Variants in GNAI1 observed in about 807,000 individuals in gnomAD.
GNAI1 encodes the protein guanine nucleotide-binding protein G(i) subunit alpha-1.
Under a neutral mutation model 38.9 loss-of-function variants are expected in GNAI1, and 11 were observed. The observed-to-expected ratio is 0.28, with a 90% CI of 0.18 to 0.47. The LOEUF (loss-of-function observed/expected upper bound fraction) is 0.47. Ranked by LOEUF, GNAI1 falls within the 20% of genes least tolerant of loss-of-function variation. GNAI1 has a pLI of 0.99. For synonymous variants in GNAI1, 166 were observed against 145.1 expected, an observed-to-expected ratio of 1.14 and a Z score of -1.04; for missense variants, 317 against 436.9, an observed-to-expected ratio of 0.73 and a Z score of 2.45.
At chr7:80,167,105 A>T (rs186366537) in intron 1 of GNAI1, among the ~76,000 whole-genome samples, 1 of 152,330 alleles carries the variant, frequency 6.6e-6, no homozygotes, top group East Asian at 1.9e-4. Flanking sequence ...TGGTGGTTTC[A>T]TAGACTTCTT....
rs1162491225 is a variant in GNAI1 at position 80,134,881 on chromosome 7, A to G, written c.-280A>G. 3 of 263,110 alleles carry G rather than the reference A, an allele frequency of 1.1e-5. No homozygotes were observed. The East Asian group carries it at 2.0e-4, about 17-fold the overall frequency. The allele number at this position is 263,110 out of a possible 1,614,324, so 16.3% of individuals were successfully genotyped here. ...GCGGCGCGGCCACCGGCGGGAGTGC[A>G]GCGGCCACTGTACCCAGAGATTCAA... On this transcript the variant is annotated 5_prime_UTR_variant, in exon 1 of 8. Coordinates refer to ENST00000649796, the MANE Select transcript of GNAI1 (RefSeq NM_002069.6).
chr7:80,147,826 G>A (rs1174500092), intron 1 of GNAI1, among the ~76,000 whole-genome samples: 1 of 152,144 alleles, frequency 6.6e-6, no homozygotes, highest in East Asian at 1.9e-4. Context: ...TCATTTGCTG[G>A]TTGGGCTTAG....
At chr7:80,203,294 T>A (rs1054662506) in intron 4 of GNAI1, among the ~76,000 whole-genome samples, 3 of 152,146 alleles carry the variant, frequency 2.0e-5, no homozygotes, top group Non-Finnish European at 2.9e-5. Flanking sequence ...ATTAAGACTT[T>A]AAAAATCTTC....
At chr7:80,150,068 C>T (rs1042983796) in intron 1 of GNAI1, among the ~76,000 whole-genome samples, 4 of 152,126 alleles carry the variant, frequency 2.6e-5, no homozygotes, top group Non-Finnish European at 5.9e-5. Flanking sequence ...GTTGACTTGA[C>T]AGCTTTAATG....
At chr7:80,189,263 A>G in intron 3 of GNAI1, 32 bp downstream of exon 3, 1 of 1,588,692 alleles carries the variant, frequency 6.3e-7, no homozygotes, top group Non-Finnish European at 8.6e-7. Context: ...AGCTGACCTG[A>G]TGGGTAAAAA....
chr7:80,205,843 A>G (rs1055265462), intron 5 of GNAI1, among the ~76,000 whole-genome samples: 14 of 152,050 alleles, frequency 9.2e-5, no homozygotes, highest in African/African-American at 3.4e-4. Context: ...TGTCTTTTTT[A>G]TTTTCATTAA....
intron 3 of GNAI1, among the ~76,000 whole-genome samples, chr7:80,198,730 A>G (rs972823163): frequency 6.6e-6 from 1 of 152,176 alleles, no homozygotes; most frequent in Non-Finnish European, 1.5e-5. Context: ...CCCACTCCAC[A>G]TTGATTTCTC....
At chr7:80,154,138 G>T (rs1331757104) in intron 1 of GNAI1, among the ~76,000 whole-genome samples, 1 of 152,078 alleles carries the variant, frequency 6.6e-6, no homozygotes. Flanking sequence ...GCCCAGGCTG[G>T]CCTCAAACTC....
intron 1 of GNAI1, chr7:80,135,695 T>TGTGCG (rs368124432): frequency 2.2e-4 from 56 of 249,236 alleles, no homozygotes; most frequent in African/African-American, 1.7e-3. Context: ...CCCTTCTTCG[T>TGTGCG]GTGCGGTGTA....
At chr7:80,156,436 T>G (rs1427144922) in intron 1 of GNAI1, among the ~76,000 whole-genome samples, 1 of 148,414 alleles carries the variant, frequency 6.7e-6, no homozygotes, top group Non-Finnish European at 1.5e-5. Flanking sequence ...AAGGAAAGCT[T>G]TTTTTTTTTT....
chr7:80,152,986 CAG>C (rs765496408), intron 1 of GNAI1, among the ~76,000 whole-genome samples: 10 of 151,584 alleles, frequency 6.6e-5, no homozygotes, highest in African/African-American at 1.7e-4. Flanking sequence ...AATCTTTGAA[CAG>C]AGAGTTAATT....
intron 1 of GNAI1, among the ~76,000 whole-genome samples, chr7:80,152,774 A>G (rs1434399348): frequency 6.6e-6 from 1 of 151,918 alleles, no homozygotes; most frequent in Non-Finnish European, 1.5e-5. Context: ...TGTGTTAGCC[A>G]GGATGGTCTC....
At chr7:80,137,177 T>C (rs2116058316) in intron 1 of GNAI1, among the ~76,000 whole-genome samples, 1 of 152,152 alleles carries the variant, frequency 6.6e-6, no homozygotes, top group Non-Finnish European at 1.5e-5. Context: ...ACTGAATGTA[T>C]AATACAGAAC....
Position 80,135,103 on chromosome 7 carries a change from G to C in GNAI1, c.-58G>C, listed in dbSNP as rs1280951481. ...TAGGAGAGAGAAAGGATTCCCCTGT[G>C]CTTGGAGCCCGCACTCGGGCGCGGA... is the stretch of plus-strand genomic sequence containing the variant. On this transcript the variant is annotated 5_prime_UTR_variant, in exon 1 of 8. Coordinates refer to ENST00000649796, the MANE Select transcript of GNAI1 (RefSeq NM_002069.6). 3.3e-6 allele frequency: 4 copies of C among 1,218,138 alleles called. No individual in the cohort carries two copies. In the African/African-American group the frequency reaches 4.7e-5, roughly 14 times the overall value. The allele number at this position is 1,218,138 out of a possible 1,614,324, so 75.5% of individuals were successfully genotyped here. A position where few individuals can be genotyped will look rare whatever the true frequency, so the allele number is the denominator to read the frequency against.
At chr7:80,136,354 T>TA (rs1350891727) in intron 1 of GNAI1, among the ~76,000 whole-genome samples, 1 of 152,160 alleles carries the variant, frequency 6.6e-6, no homozygotes, top group Non-Finnish European at 1.5e-5. Flanking sequence ...CCAGTTATAA[T>TA]AAAAAAGAAA....
At chr7:80,197,478 G>A (rs1788598676) in intron 3 of GNAI1, among the ~76,000 whole-genome samples, 1 of 151,892 alleles carries the variant, frequency 6.6e-6, no homozygotes, top group Non-Finnish European at 1.5e-5. Context: ...CGTAATGAAA[G>A]CTCATTTGAA....
Position 80,203,741 on chromosome 7 carries a change from T to A in GNAI1, c.499T>A (p.Tyr167Asn). 1 of 1,593,750 alleles carries A rather than the reference T, an allele frequency of 6.3e-7. No homozygotes were observed. Among genetic ancestry groups the A allele is most frequent in the Non-Finnish European group, 8.6e-7 (1 of 1,163,770 alleles). ...NDLDRIAQPN[Y>N]IPTQQDVLRT... ...CTTGGACAGAATAGCTCAACCAAAT[T>A]ACATCCCGACTCAACAAGATGTTCT... Residue 167 changes from tyrosine to asparagine, a missense_variant, in exon 5 of 8, where the codon TAC becomes AAC. By Grantham distance (143) the Tyr-to-Asn change is moderately radical. This residue lies in a region of GNAI1 where 158 missense variants were observed against 234.7 expected (regional missense o/e 0.67). Transcript: ENST00000649796.
In GNAI1 at chr7:80,223,014, CAT is replaced by C. The variant is rs759542205; in HGVS notation, c.*5522_*5523del. On this transcript the variant is annotated 3_prime_UTR_variant, in exon 8 of 8. Transcript: ENST00000649796. ...GCCTATTTTACAATAAAGGATATCT[CAT>C]GTAATTTTCTTGGATACTGTACTGA... Among the ~76,000 whole-genome samples, 1 of 152,272 alleles carries C rather than the reference CAT, an allele frequency of 6.6e-6. No homozygotes were observed. Among genetic ancestry groups the C allele is most frequent in the Non-Finnish European group, 1.5e-5 (1 of 68,014 alleles).
intron 1 of GNAI1, among the ~76,000 whole-genome samples, chr7:80,155,252 AAC>A (rs1262904906): frequency 6.6e-6 from 1 of 152,192 alleles, no homozygotes; most frequent in Admixed American, 6.5e-5. Flanking sequence ...ATATTAATCA[AAC>A]ACAGGAATTA....
Sources: allele counts gnomAD v4.1 joint callset (sites outside exome capture counted in the v4.1 genomes callset), GRCh38; gene constraint gnomAD v4.1.1; regional missense constraint gnomAD v4.1.1; transcripts MANE v1.5; gene names NCBI Gene and HGNC (gene_info 2026-07-23, HGNC 2026-07-21).